CENPP: variants seen among roughly 807,000 people sequenced by gnomAD.
The protein encoded by CENPP is centromere protein P.
Under a neutral mutation model 35.6 loss-of-function variants are expected in CENPP, and 24 were observed. That is an observed-to-expected ratio of 0.67 (90% confidence interval 0.49 to 0.95). The LOEUF is 0.95. Among genes scored for constraint, CENPP ranks in the 40% least tolerant of loss-of-function variants. CENPP has a pLI of 0.00. For synonymous variants in CENPP, 120 were observed against 125.5 expected (o/e 0.96, Z 0.29); for missense variants, 332 against 345.3 (o/e 0.96, Z 0.31).
intron 5 of CENPP, among the ~76,000 whole-genome samples, chr9:92,422,307 G>A (rs1055562949): frequency 1.3e-5 from 2 of 152,146 alleles, no homozygotes; most frequent in African/African-American, 2.4e-5. Flanking sequence ...GCCCACCTCA[G>A]CCTCCCAAAG....
chr9:92,472,966 G>A (rs1017852177), intron 5 of CENPP, among the ~76,000 whole-genome samples: 1 of 152,228 alleles, frequency 6.6e-6, no homozygotes, highest in Non-Finnish European at 1.5e-5. Flanking sequence ...TCTCCTGAGG[G>A]AGGAAGAGTG....
chr9:92,463,101 CTTTTGTACCGGAAT>C (rs1421289522), intron 5 of CENPP, among the ~76,000 whole-genome samples: 3 of 152,184 alleles, frequency 2.0e-5, no homozygotes, highest in Non-Finnish European at 4.4e-5. Context: ...TGTTAGCACA[CTTTTGTACCGGAAT>C]TTCTGTTCCC....
chr9:92,482,622 AAAAG>A (rs1845949654), intron 5 of CENPP: 1 of 152,252 alleles, frequency 6.6e-6, no homozygotes, highest in Non-Finnish European at 1.5e-5. Flanking sequence ...AGAAGAAAAA[AAAAG>A]AAAGTTTAAT....
intron 5 of CENPP, among the ~76,000 whole-genome samples, chr9:92,430,446 G>A (rs569852047): frequency 1.3e-5 from 2 of 148,482 alleles, no homozygotes; most frequent in East Asian, 3.9e-4. Flanking sequence ...TTTTTAAGAT[G>A]AAGTCATTCA....
chr9:92,554,363 G>A (rs7863049), intron 5 of CENPP, among the ~76,000 whole-genome samples: 63,128 of 151,408 alleles, frequency 0.42, 15,275 homozygotes, highest in African/African-American at 0.67. Flanking sequence ...TTTTGTATTT[G>A]GTAAAGATGG....
chr9:92,587,429 G>A (rs534180852), intron 5 of CENPP, among the ~76,000 whole-genome samples: 32 of 151,980 alleles, frequency 2.1e-4, no homozygotes, highest in Middle Eastern at 3.4e-3. Flanking sequence ...AGATCATGCC[G>A]TTGCACTCCA....
intron 5 of CENPP, among the ~76,000 whole-genome samples, chr9:92,474,304 A>G (rs1407049008): frequency 6.6e-6 from 1 of 152,194 alleles, no homozygotes; most frequent in African/African-American, 2.4e-5. Context: ...TACAGTCTCA[A>G]CCTGCTAGCA....
intron 5 of CENPP, chr9:92,496,277 A>G (rs376951503): frequency 1.9e-6 from 3 of 1,542,476 alleles, no homozygotes; most frequent in African/African-American, 1.4e-5. Context: ...CTACAAATAC[A>G]TGAGTAAAGT....
intron 5 of CENPP, among the ~76,000 whole-genome samples, chr9:92,454,330 T>C (rs1844808114): frequency 6.6e-6 from 1 of 152,246 alleles, no homozygotes; most frequent in African/African-American, 2.4e-5. Flanking sequence ...CTTTTCTTTT[T>C]GTAAAAAGAT....
At chr9:92,389,888 A>G in intron 5 of CENPP, 1 of 1,612,680 alleles carries the variant, frequency 6.2e-7, no homozygotes, top group South Asian at 1.1e-5. Context: ...CCTACTCTTG[A>G]TTTTGTTGTA....
intron 5 of CENPP, chr9:92,535,996 A>T: frequency 1.9e-6 from 1 of 513,272 alleles, no homozygotes; most frequent in Non-Finnish European, 3.9e-6. Flanking sequence ...AAAATGAAAC[A>T]AAATCAGAGC....
intron 5 of CENPP, among the ~76,000 whole-genome samples, chr9:92,480,342 A>C (rs1368414943): frequency 6.6e-6 from 1 of 152,230 alleles, no homozygotes; most frequent in Non-Finnish European, 1.5e-5. Context: ...TTTACTGAGA[A>C]AAAGCAGAGG....
rs180752163 is a variant in CENPP at position 92,609,030 on chromosome 9, C to A, written c.565-2284C>A. On this transcript the variant is annotated intron_variant, in intron 5 of 7. Transcript: ENST00000375587. Reference sequence around the variant, plus strand: ...AGCCTGGAAGCTGAGCTGCCACGTTCACAGGCTCTCCCTTACGGTCCTCAT... The same window carrying A: ...AGCCTGGAAGCTGAGCTGCCACGTTAACAGGCTCTCCCTTACGGTCCTCAT... Among the ~76,000 whole-genome samples, 774 of 152,394 alleles carry A rather than the reference C, an allele frequency of 5.1e-3. 8 individuals are homozygous for A. Among genetic ancestry groups the A allele is most frequent in the African/African-American group, 0.018 (751 of 41,598 alleles).
chr9:92,363,875 G>T (rs1488961772), intron 4 of CENPP, among the ~76,000 whole-genome samples: 2 of 151,578 alleles, frequency 1.3e-5, no homozygotes, highest in South Asian at 2.1e-4. Context: ...TTGAGATGAG[G>T]TGTCACTCTG....
At chr9:92,470,508 C>T (rs1284774875) in intron 5 of CENPP, among the ~76,000 whole-genome samples, 1 of 152,164 alleles carries the variant, frequency 6.6e-6, no homozygotes, top group African/African-American at 2.4e-5. Context: ...TGAATGAAAT[C>T]TATAATTTTT....
At position 92,379,818 on chromosome 9, in the gene CENPP, G is replaced by A. The variant is rs774476954; in HGVS notation, c.523G>A (p.Glu175Lys). 16 of 1,613,446 alleles carry A rather than the reference G, an allele frequency of 9.9e-6. No homozygotes were observed. In the South Asian group the frequency reaches 1.6e-4, roughly 17 times the overall value. Residue 175 changes from glutamate to lysine, a missense_variant, in exon 5 of 8, where the codon GAG becomes AAG. Coordinates refer to ENST00000375587, the MANE Select transcript of CENPP (RefSeq NM_001012267.3). ...MFFRSLHFFVEWFEYRKRTFK... is the reference protein window; with the variant it reads ...MFFRSLHFFVKWFEYRKRTFK... ...TTTCCGAAGCCTGCATTTTTTTGTG[G>A]AGTGGTTTGAATATCGTAAGCGCAC...
At chr9:92,537,602 G>A (rs567310321) in intron 5 of CENPP, among the ~76,000 whole-genome samples, 18 of 152,194 alleles carry the variant, frequency 1.2e-4, no homozygotes, top group Non-Finnish European at 2.6e-4. Flanking sequence ...GGAGGTTGCA[G>A]TGAGCCAAGA....
chr9:92,463,524 T>C (rs919473483), intron 5 of CENPP, among the ~76,000 whole-genome samples: 4 of 152,332 alleles, frequency 2.6e-5, no homozygotes, highest in South Asian at 4.1e-4. Flanking sequence ...GGAAAGACTT[T>C]TGGTGTGAAC....
intron 5 of CENPP, among the ~76,000 whole-genome samples, chr9:92,547,561 C>G (rs975200726): frequency 7.2e-5 from 11 of 152,180 alleles, no homozygotes; most frequent in African/African-American, 2.7e-4. Flanking sequence ...AAGCCAGTCA[C>G]AAAAGACCAC....
Sources: gnomAD v4.1 joint callset for allele counts (sites outside exome capture counted in the v4.1 genomes callset) on GRCh38, gnomAD v4.1.1 for gene constraint, MANE v1.5 for transcripts, NCBI Gene and HGNC (gene_info 2026-07-23, HGNC 2026-07-21) for gene names.